The following TBX15 variants were observed in gnomAD, a reference collection of about 807,000 sequenced individuals.
The protein encoded by TBX15 is T-box transcription factor 15.
Under a neutral mutation model 53.9 loss-of-function variants are expected in TBX15, and 18 were observed. That is an observed-to-expected ratio of 0.33 (90% confidence interval 0.23 to 0.49). The LOEUF (loss-of-function observed/expected upper bound fraction) is 0.49. TBX15 is among the 20% of genes least tolerant of loss of function. The probability of loss-of-function intolerance (pLI) is 0.98; values close to 1 mark genes in which losing one functional copy is unlikely to be tolerated. For synonymous variants in TBX15, 295 were observed against 278.0 expected (o/e 1.06, Z -0.61); for missense variants, 692 against 749.5 (o/e 0.92, Z 0.90).
At chr1:118,926,370 T>A in intron 3 of TBX15, 140 bp downstream of exon 3, 1 of 793,130 alleles carries the variant, frequency 1.3e-6, no homozygotes, top group East Asian at 2.7e-5. Context: ...CCTGGTGCTC[T>A]GCCACAGGCC....
At chr1:118,964,377 C>T (rs1190322596) in intron 1 of TBX15, among the ~76,000 whole-genome samples, 2 of 152,198 alleles carry the variant, frequency 1.3e-5, no homozygotes, top group Non-Finnish European at 2.9e-5. Flanking sequence ...TAATAGATCA[C>T]TAATTGTTGG....
At chr1:118,885,631 T>C in intron 7 of TBX15, 115 bp from the exon 8 acceptor site, 1 of 1,305,494 alleles carries the variant, frequency 7.7e-7, no homozygotes, top group Non-Finnish European at 1.1e-6. Context: ...GGCTGATTTT[T>C]ACAGAACCAT....
chr1:118,983,908 C>A (rs1557910435), intron 1 of TBX15, among the ~76,000 whole-genome samples: 1 of 152,226 alleles, frequency 6.6e-6, no homozygotes, highest in Non-Finnish European at 1.5e-5. Context: ...ACTTTTTATT[C>A]GTTACTTAAA....
intron 6 of TBX15, among the ~76,000 whole-genome samples, chr1:118,902,840 C>T (rs551360704): frequency 2.0e-5 from 3 of 152,240 alleles, no homozygotes; most frequent in South Asian, 2.1e-4. Context: ...AAAATTTACC[C>T]TGTGCTACAC....
At chr1:118,961,529 T>C (rs1319624658) in intron 1 of TBX15, among the ~76,000 whole-genome samples, 1 of 152,140 alleles carries the variant, frequency 6.6e-6, no homozygotes, top group Non-Finnish European at 1.5e-5. Context: ...AAAATTCAGG[T>C]TCCTAGAGCC....
chr1:118,935,946 A>G (rs567916396), intron 1 of TBX15, among the ~76,000 whole-genome samples: 10 of 152,306 alleles, frequency 6.6e-5, no homozygotes, highest in African/African-American at 2.4e-4. Context: ...ACTAGAATGC[A>G]CATCTTCTCC....
chr1:118,943,697 C>T (rs1221919124), intron 1 of TBX15, among the ~76,000 whole-genome samples: 1 of 152,080 alleles, frequency 6.6e-6, no homozygotes, highest in Non-Finnish European at 1.5e-5. Flanking sequence ...CAGGGCAGAG[C>T]TTGGAAGCTG....
intron 1 of TBX15, among the ~76,000 whole-genome samples, chr1:118,969,827 G>T (rs1381058151): frequency 6.6e-6 from 1 of 152,198 alleles, no homozygotes; most frequent in Non-Finnish European, 1.5e-5. Context: ...CTTTTCCCAT[G>T]CTTGGAGCTC....
In TBX15 at chr1:118,883,508, A is replaced by G. The variant is rs2101407087; in HGVS notation, c.*1224T>C. The stretch of plus-strand genomic sequence containing the variant: ...AGGGGATATTTCCTGCCACAGGGAT[A>G]GCGGGCAGGCATTCTAGGTCAGGTG... On this transcript the variant is annotated 3_prime_UTR_variant, in exon 8 of 8. Transcript: ENST00000369429. 6.6e-6 allele frequency: 1 copy of G among 152,360 alleles called. No homozygotes were observed. The highest frequency in any genetic ancestry group is 2.4e-5 in the African/African-American group (1 of 41,586). 9.4% of individuals were successfully genotyped at this position (152,360 alleles called of 1,614,324 possible).
At chr1:118,938,097 C>T (rs1656023856) in intron 1 of TBX15, among the ~76,000 whole-genome samples, 2 of 152,106 alleles carry the variant, frequency 1.3e-5, no homozygotes, top group African/African-American at 4.8e-5. Context: ...TTGGCACTGA[C>T]CTGAGTACGA....
chr1:118,974,107 T>C lies in TBX15; in HGVS notation c.205+13484A>G, dbSNP rs188666916. Among the ~76,000 whole-genome samples the C allele has an allele frequency of 1.9e-3, 294 of 152,314 alleles. 1 individual carries two copies. Among genetic ancestry groups the C allele is most frequent in the Non-Finnish European group, 3.6e-3 (244 of 68,032 alleles). ...AATGTGATAGATCTGATGGATGAGA[T>C]CCAGTAAATCACCCAAGATTGCAGT... On this transcript the variant is annotated intron_variant, in intron 1 of 7. Transcript: ENST00000369429.
At chr1:118,983,404 T>C (rs1443006534) in intron 1 of TBX15, among the ~76,000 whole-genome samples, 1 of 152,170 alleles carries the variant, frequency 6.6e-6, no homozygotes, top group East Asian at 1.9e-4. Context: ...AATGTCTTCA[T>C]AACCATCCCC....
At chr1:118,935,032 T>G (rs528666357) in intron 1 of TBX15, among the ~76,000 whole-genome samples, 71 of 152,312 alleles carry the variant, frequency 4.7e-4, no homozygotes, top group Non-Finnish European at 9.9e-4. Context: ...AAAGTTACTG[T>G]TACTTTTATA....
chr1:118,922,856 T>G (rs556523603), intron 5 of TBX15, among the ~76,000 whole-genome samples: 1 of 152,318 alleles, frequency 6.6e-6, no homozygotes, highest in African/African-American at 2.4e-5. Flanking sequence ...GGCAGTAGAA[T>G]GTTTGTTCTT....
rs372983494 is a variant in TBX15, at chr1:118,883,073, C to T, written c.*1659G>A. 5 of 152,712 alleles carry T rather than the reference C, an allele frequency of 3.3e-5. No individual in the cohort carries two copies. The highest frequency in any genetic ancestry group is 1.2e-4 in the African/African-American group (5 of 41,556). The allele number at this position is 152,712 out of a possible 1,614,324, so 9.5% of individuals were successfully genotyped here. ...CAATTGCAAAGATTTTATTTAGCGGCTTTCTGTGCTTGGCACTTAGAAACA... is the reference window on the plus strand; with the variant it reads ...CAATTGCAAAGATTTTATTTAGCGGTTTTCTGTGCTTGGCACTTAGAAACA... On this transcript the variant is annotated 3_prime_UTR_variant, in exon 8 of 8. Transcript: ENST00000369429.
chr1:118,900,790 C>A (rs938804457), intron 6 of TBX15, among the ~76,000 whole-genome samples: 3 of 152,078 alleles, frequency 2.0e-5, no homozygotes, highest in Non-Finnish European at 4.4e-5. Flanking sequence ...CCACACTGAG[C>A]CTGGATGGAT....
At chr1:118,916,569 TA>T (rs1403607306) in intron 5 of TBX15, among the ~76,000 whole-genome samples, 1 of 152,104 alleles carries the variant, frequency 6.6e-6, no homozygotes, top group Non-Finnish European at 1.5e-5. Context: ...TGGCGATTAT[TA>T]AAAAGTCAAG....
Position 118,923,611 on chromosome 1 carries a change from A to T in TBX15, c.694-8T>A. On this transcript the variant is annotated splice_region_variant and splice_polypyrimidine_tract_variant and intron_variant, in intron 4 of 7. Transcript: ENST00000369429. ...CATAGAGTGCAGAATGATCTGAAAT[A>T]AAAAGGGGAATTGTACCAGGCTTGG... 6.2e-7 allele frequency: 1 copy of T among 1,613,874 alleles called. No homozygotes were observed. Among genetic ancestry groups the T allele is most frequent in the African/African-American group, 1.3e-5 (1 of 75,044 alleles).
At chr1:118,957,897 G>A (rs1348344711) in intron 1 of TBX15, among the ~76,000 whole-genome samples, 2 of 152,286 alleles carry the variant, frequency 1.3e-5, no homozygotes, top group South Asian at 4.1e-4. Context: ...TTGGTTACAA[G>A]TCTTTGCTGT....
Sources: gnomAD v4.1 joint callset for allele counts (sites outside exome capture counted in the v4.1 genomes callset) on GRCh38, gnomAD v4.1.1 for gene constraint, MANE v1.5 for transcripts, NCBI Gene and HGNC (gene_info 2026-07-23, HGNC 2026-07-21) for gene names.